PCDHGA7: variants seen among roughly 807,000 people sequenced by gnomAD.
PCDHGA7 encodes protocadherin gamma-A7.
A neutral mutation model predicts 58.3 loss-of-function variants in PCDHGA7; 44 were observed. The observed-to-expected ratio is 0.75, with a 90% CI of 0.59 to 0.97. PCDHGA7 has a LOEUF of 0.97. Among genes scored for constraint, PCDHGA7 ranks in the 50% least tolerant of loss-of-function variants. The pLI is 0.00. For missense variants in PCDHGA7, 1,266 were observed against 1,188.7 expected, an observed-to-expected ratio of 1.06 and a Z score of -0.96; for synonymous variants, 516 against 504.2, an observed-to-expected ratio of 1.02 and a Z score of -0.31.
rs747283905 is a variant in PCDHGA7, at chr5:141,491,693, G to A, written c.2425-3114G>A. On this transcript the variant is annotated intron_variant, in intron 1 of 3. Transcript: ENST00000518325. The surrounding 1 kb of genome is among the most constrained non-coding windows in gnomAD (Gnocchi z 6.9). ...TCCCGCTCTAATACGCTGCGGGAGC[G>A]GAGCCAGGTGAGGGGCTCGGCGCCG... 3.7e-5 allele frequency: 59 copies of A among 1,612,434 alleles called. No homozygotes were observed. Among genetic ancestry groups the A allele is most frequent in the Non-Finnish European group, 4.7e-5 (55 of 1,179,352 alleles).
chr5:141,501,290 TACACACACACACACACACAC>T (rs55762287), intron 2 of PCDHGA7, among the ~76,000 whole-genome samples: 1 of 136,162 alleles, frequency 7.3e-6, no homozygotes, highest in Non-Finnish European at 1.6e-5. Flanking sequence ...TATTCCCTTA[TACACACACACACACACACAC>T]ACACACACAC....
At chr5:141,398,867 A>G (rs375842913) in intron 1 of PCDHGA7, 18 of 1,613,862 alleles carry the variant, frequency 1.1e-5, no homozygotes, top group Non-Finnish European at 1.4e-5. Context: ...CGAGACGTGT[A>G]CAGAGTCAGC....
intron 1 of PCDHGA7, chr5:141,422,579 C>T: frequency 6.2e-7 from 1 of 1,614,052 alleles, no homozygotes; most frequent in Non-Finnish European, 8.5e-7. Flanking sequence ...GATAACCCTC[C>T]CGTTTTTCCT....
At chr5:141,410,004 ACGCCTGGCTGTC>A in intron 1 of PCDHGA7, 1 of 1,613,154 alleles carries the variant, frequency 6.2e-7, no homozygotes, top group Non-Finnish European at 8.5e-7. Flanking sequence ...TCGGGACACA[ACGCCTGGCTGTC>A]CTACCACGTG....
chr5:141,475,098 C>G (rs1252108172), intron 1 of PCDHGA7, among the ~76,000 whole-genome samples: 1 of 152,108 alleles, frequency 6.6e-6, no homozygotes, highest in East Asian at 1.9e-4. Flanking sequence ...TTATAAAGAT[C>G]CTAGGTGGTA....
In PCDHGA7 at chr5:141,511,979, T is replaced by C. The variant is rs1205375941; in HGVS notation, c.*806T>C. ...AGGAAGGGAAGTGTGTGGATGTGGA[T>C]GGTGGGGGCATGGACAAAGCTTGAC... On this transcript the variant is annotated 3_prime_UTR_variant, in exon 4 of 4. Transcript: ENST00000518325. The C allele has an allele frequency of 6.5e-5, 10 of 153,278 alleles. No individual in the cohort carries two copies. The highest frequency in any genetic ancestry group is 1.5e-4 in the Non-Finnish European group (10 of 68,568). The allele number at this position is 153,278 out of a possible 1,614,324, so 9.5% of individuals were successfully genotyped here.
At chr5:141,392,505 T>G (rs1271878225) in intron 1 of PCDHGA7, 1 of 227,850 alleles carries the variant, frequency 4.4e-6, no homozygotes, top group African/African-American at 2.3e-5. Flanking sequence ...ATGATTTTTT[T>G]TTCTCAGTAA....
chr5:141,510,472 G>A (rs1209464436), intron 3 of PCDHGA7, among the ~76,000 whole-genome samples: 7 of 152,102 alleles, frequency 4.6e-5, no homozygotes, highest in Non-Finnish European at 1.0e-4. Context: ...GGAGTCAGAG[G>A]CTCCCTTGAG....
chr5:141,442,751 T>G (rs756672976), intron 1 of PCDHGA7, among the ~76,000 whole-genome samples: 1 of 152,196 alleles, frequency 6.6e-6, no homozygotes, highest in Non-Finnish European at 1.5e-5. Context: ...CATGTTTTGA[T>G]TATATATATT....
At chr5:141,415,729 T>A in intron 1 of PCDHGA7, 1 of 1,442,780 alleles carries the variant, frequency 6.9e-7, no homozygotes, top group Non-Finnish European at 9.1e-7. Flanking sequence ...TAGAATTTGA[T>A]GTTTATTAAG....
chr5:141,487,718 A>G lies in PCDHGA7; in HGVS notation c.2425-7089A>G. Reference sequence around the variant, plus strand: ...TACTGGCCTCTCAGTAAGTGCCCATAGTGATGTCACCATTTTTGTAAGAGG... The same window carrying G: ...TACTGGCCTCTCAGTAAGTGCCCATGGTGATGTCACCATTTTTGTAAGAGG... On this transcript the variant is annotated intron_variant, in intron 1 of 3. Coordinates refer to ENST00000518325, the MANE Select transcript of PCDHGA7 (RefSeq NM_018920.4). The surrounding 1 kb of genome is among the most constrained non-coding windows in gnomAD (Gnocchi z 5.0). The G allele has an allele frequency of 1.3e-6, 2 of 1,580,268 alleles. No individual in the cohort carries two copies. The highest frequency in any genetic ancestry group is 1.7e-6 in the Non-Finnish European group (2 of 1,161,186).
chr5:141,407,355 A>C (rs991392072), intron 1 of PCDHGA7, among the ~76,000 whole-genome samples: 8 of 152,198 alleles, frequency 5.3e-5, no homozygotes, highest in Non-Finnish European at 1.0e-4. Context: ...TTTGGGGAAA[A>C]CATAACAGAT....
chr5:141,395,442 AG>A lies in PCDHGA7; in HGVS notation c.2424+10120del, dbSNP rs1446210907. Reference sequence around the variant, plus strand: ...CATTTGCTTTTAAACGACTTGGAAAAGATTGTTCAACCATTTTAAGCCTTCC... The same window carrying A: ...CATTTGCTTTTAAACGACTTGGAAAAATTGTTCAACCATTTTAAGCCTTCC... On this transcript the variant is annotated intron_variant, in intron 1 of 3. Coordinates refer to ENST00000518325, the MANE Select transcript of PCDHGA7 (RefSeq NM_018920.4). 4 of 667,514 alleles carry A rather than the reference AG, an allele frequency of 6.0e-6. No homozygotes were observed. The East Asian group carries it at 1.2e-4, about 20-fold the overall frequency. 41.3% of individuals were successfully genotyped at this position (667,514 alleles called of 1,614,324 possible).
chr5:141,389,983 T>C (rs1224770373), intron 1 of PCDHGA7: 1 of 1,614,014 alleles, frequency 6.2e-7, no homozygotes, highest in East Asian at 2.2e-5. Context: ...ATCTCAGTGC[T>C]CTTCCTCGTG....
At chr5:141,504,476 A>G (rs998883721) in intron 2 of PCDHGA7, among the ~76,000 whole-genome samples, 4 of 152,016 alleles carry the variant, frequency 2.6e-5, no homozygotes, top group African/African-American at 9.7e-5. Context: ...GGATGGGAGT[A>G]CAGTGGAGGC....
At chr5:141,433,422 A>G (rs1172678396) in intron 1 of PCDHGA7, among the ~76,000 whole-genome samples, 1 of 150,646 alleles carries the variant, frequency 6.6e-6, no homozygotes, top group Admixed American at 6.6e-5. Context: ...TCTTGTACAG[A>G]CAGGAGTCTC....
intron 1 of PCDHGA7, chr5:141,415,308 C>A: frequency 6.2e-7 from 1 of 1,614,236 alleles, no homozygotes; most frequent in Non-Finnish European, 8.5e-7. Context: ...TCCTGGCCTT[C>A]GTCATCGTGC....
intron 1 of PCDHGA7, chr5:141,408,888 A>G: frequency 1.2e-6 from 2 of 1,613,352 alleles, no homozygotes; most frequent in Non-Finnish European, 1.7e-6. Context: ...GCTCACATAG[A>G]AATTTCTGTC....
intron 1 of PCDHGA7, chr5:141,471,166 C>T (rs1427053969): frequency 2.0e-5 from 3 of 150,492 alleles, no homozygotes; most frequent in Non-Finnish European, 2.9e-5. Context: ...TCTCCTGGCT[C>T]AGCCTCCCTA....
Sources: gnomAD v4.1 joint callset for allele counts (sites outside exome capture counted in the v4.1 genomes callset) on GRCh38, gnomAD v4.1.1 for gene constraint, Gnocchi (gnomAD v3.1) non-coding constraint, MANE v1.5 for transcripts, NCBI Gene and HGNC (gene_info 2026-07-23, HGNC 2026-07-21) for gene names.